The following SGCZ variants were observed in gnomAD, a reference collection of about 807,000 sequenced individuals.
SGCZ encodes the protein sarcoglycan zeta, also known as zeta-sarcoglycan.
SGCZ carries 40 observed loss-of-function variants against 41.3 expected under a neutral mutation model. The ratio of observed to expected loss-of-function variants is 0.97; its 90% confidence interval spans 0.75 to 1.26. The LOEUF (loss-of-function observed/expected upper bound fraction) is 1.26. Ranked by LOEUF, SGCZ falls within the 50% of genes most tolerant of loss-of-function variation. The probability of loss-of-function intolerance (pLI) is 0.00; values close to 1 mark genes in which losing one functional copy is unlikely to be tolerated. For synonymous variants in SGCZ, 206 were observed against 137.5 expected (o/e 1.50, Z -3.49); for missense variants, 552 against 369.8 (o/e 1.49, Z -4.04).
chr8:15,229,052 C>T (rs1366377446), intron 1 of SGCZ, among the ~76,000 whole-genome samples: 9 of 151,982 alleles, frequency 5.9e-5, no homozygotes, highest in African/African-American at 1.2e-4. Flanking sequence ...ATCAGCCAGG[C>T]GTGATGGCGG....
At chr8:15,223,837 G>A (rs568776887) in intron 1 of SGCZ, among the ~76,000 whole-genome samples, 25 of 148,856 alleles carry the variant, frequency 1.7e-4, no homozygotes, top group Middle Eastern at 3.4e-3. Context: ...AGTTGCCAGC[G>A]AAAAGCTCCT....
At chr8:14,146,884 T>A (rs7826646) in intron 5 of SGCZ, among the ~76,000 whole-genome samples, 1,860 of 112,670 alleles carry the variant, frequency 0.017, 101 homozygotes, top group African/African-American at 0.025. Flanking sequence ...AAAATAAAAA[T>A]AAAAAAAATA....
chr8:14,236,302 A>G lies in SGCZ; in HGVS notation c.424+1290T>C, dbSNP rs17118848. Among the ~76,000 whole-genome samples the G allele has an allele frequency of 8.8e-3, 1,333 of 152,284 alleles. 22 individuals carry two copies. The highest frequency in any genetic ancestry group is 0.031 in the African/African-American group (1,289 of 41,562). ...AACTGCTATATCTCTAATTATCACA[A>G]AATATTATCCAGTTGTAGCAATTAA... On this transcript the variant is annotated intron_variant, in intron 4 of 7. Coordinates refer to ENST00000382080, the MANE Select transcript of SGCZ (RefSeq NM_139167.4).
chr8:15,126,990 G>A (rs910998361), intron 1 of SGCZ, among the ~76,000 whole-genome samples: 13 of 152,146 alleles, frequency 8.5e-5, no homozygotes, highest in Admixed American at 2.6e-4. Flanking sequence ...GTCCATGCAC[G>A]TGTCTAGACA....
At chr8:15,009,654 G>C (rs982517081) in intron 1 of SGCZ, among the ~76,000 whole-genome samples, 1 of 152,104 alleles carries the variant, frequency 6.6e-6, no homozygotes, top group African/African-American at 2.4e-5. Flanking sequence ...TCGAGAATAA[G>C]TCCTAAGAAA....
chr8:14,709,126 C>T (rs17322021), intron 1 of SGCZ, among the ~76,000 whole-genome samples: 1 of 151,790 alleles, frequency 6.6e-6, no homozygotes. Flanking sequence ...GTGCTCTTAC[C>T]ATAGAAGAAA....
intron 2 of SGCZ, among the ~76,000 whole-genome samples, chr8:14,483,252 T>C (rs945353218): frequency 2.6e-5 from 4 of 152,276 alleles, no homozygotes; most frequent in South Asian, 4.1e-4. Context: ...GTGACAATCA[T>C]TGGCAGAAGG....
intron 2 of SGCZ, among the ~76,000 whole-genome samples, chr8:14,445,075 C>T (rs755190349): frequency 6.6e-5 from 10 of 152,178 alleles, no homozygotes; most frequent in Non-Finnish European, 1.3e-4. Context: ...GACTTCAAGA[C>T]AGTTGCTCAG....
At chr8:15,133,311 G>C (rs1175644584) in intron 1 of SGCZ, among the ~76,000 whole-genome samples, 1 of 151,952 alleles carries the variant, frequency 6.6e-6, no homozygotes, top group Non-Finnish European at 1.5e-5. Context: ...ACAAGTATTA[G>C]CCACTTTGTA....
intron 2 of SGCZ, among the ~76,000 whole-genome samples, chr8:14,452,174 G>C (rs1800613676): frequency 6.6e-6 from 1 of 152,132 alleles, no homozygotes; most frequent in Admixed American, 6.6e-5. Flanking sequence ...AAATGAAACG[G>C]AGACAACTTC....
At chr8:14,100,032 A>C (rs1278089838) in intron 7 of SGCZ, among the ~76,000 whole-genome samples, 1 of 152,156 alleles carries the variant, frequency 6.6e-6, no homozygotes, top group African/African-American at 2.4e-5. Context: ...TAAGGACTTT[A>C]TATCCCTCTA....
At chr8:14,338,447 A>G (rs558709289) in intron 2 of SGCZ, among the ~76,000 whole-genome samples, 4 of 152,274 alleles carry the variant, frequency 2.6e-5, no homozygotes, top group East Asian at 1.9e-4. Flanking sequence ...TCACCTTTGG[A>G]CAATTCTCAA....
intron 1 of SGCZ, among the ~76,000 whole-genome samples, chr8:14,790,647 T>C (rs1225579436): frequency 6.6e-6 from 1 of 152,220 alleles, no homozygotes; most frequent in Middle Eastern, 3.4e-3. Context: ...AGTTAAGTAA[T>C]AAGATTGATT....
At chr8:14,852,041 G>T (rs748331104) in intron 1 of SGCZ, among the ~76,000 whole-genome samples, 1 of 152,024 alleles carries the variant, frequency 6.6e-6, no homozygotes, top group South Asian at 2.1e-4. Context: ...GTCCCCTCAG[G>T]TTAAAGATTC....
intron 1 of SGCZ, among the ~76,000 whole-genome samples, chr8:14,855,457 A>G (rs1180963956): frequency 6.6e-6 from 1 of 152,016 alleles, no homozygotes; most frequent in Admixed American, 6.6e-5. Flanking sequence ...ACATTGCCCC[A>G]TTTTACCCTC....
intron 4 of SGCZ, among the ~76,000 whole-genome samples, chr8:14,234,255 C>T (rs530674213): frequency 4.7e-4 from 71 of 152,096 alleles, no homozygotes; most frequent in African/African-American, 1.7e-3. Flanking sequence ...ATTTAAAATT[C>T]TATCAGTGAG....
chr8:15,229,699 T>A (rs1801885407), intron 1 of SGCZ, among the ~76,000 whole-genome samples: 1 of 152,226 alleles, frequency 6.6e-6, no homozygotes, highest in Middle Eastern at 3.2e-3. Flanking sequence ...CCTCAAATAC[T>A]CTGAGTAAAC....
chr8:15,202,009 C>T (rs1800906942), intron 1 of SGCZ, among the ~76,000 whole-genome samples: 3 of 152,052 alleles, frequency 2.0e-5, no homozygotes, highest in Admixed American at 1.3e-4. Flanking sequence ...ATTAGGGATG[C>T]TTTTTCATCT....
At chr8:14,913,819 C>G (rs946512153) in intron 1 of SGCZ, among the ~76,000 whole-genome samples, 1 of 152,020 alleles carries the variant, frequency 6.6e-6, no homozygotes, top group Middle Eastern at 3.2e-3. Context: ...GCACATATTT[C>G]TTTAGTCATA....
Sources: gnomAD v4.1 joint callset for allele counts (sites outside exome capture counted in the v4.1 genomes callset) on GRCh38, gnomAD v4.1.1 for gene constraint, MANE v1.5 for transcripts, NCBI Gene and HGNC (gene_info 2026-07-23, HGNC 2026-07-21) for gene names.